HIGD1C: variants seen among roughly 807,000 people sequenced by gnomAD.
HIGD1C encodes HIG1 hypoxia inducible domain family member 1C.
Under a neutral mutation model 13.1 loss-of-function variants are expected in HIGD1C, and 11 were observed. That is an observed-to-expected ratio of 0.84 (90% CI 0.53 to 1.39). The LOEUF (loss-of-function observed/expected upper bound fraction) is 1.39, where lower values mean the gene tolerates loss of function less well. Among genes scored for constraint, HIGD1C ranks in the 40% most tolerant of loss-of-function variants. The pLI is 0.00. For missense variants in HIGD1C, 110 were observed against 112.0 expected (o/e 0.98, Z 0.08); for synonymous variants, 36 against 37.7 (o/e 0.95, Z 0.17).
chr12:50,961,093 G>A (rs1012990764), exon 2 of HIGD1C: 1 of 1,613,856 alleles, frequency 6.2e-7, no homozygotes, highest in Admixed American at 1.7e-5. Context: ...TGTTGGAGCT[G>A]TGACTCTAGG....
At chr12:50,964,321 C>T (rs1939460353) in intron 2 of HIGD1C, among the ~76,000 whole-genome samples, 1 of 152,240 alleles carries the variant, frequency 6.6e-6, no homozygotes, top group African/African-American at 2.4e-5. Context: ...ACCTTGGCTA[C>T]TCATGGTTAT....
the HIGD1C span, among the ~76,000 whole-genome samples, chr12:50,937,135 A>AT: frequency 6.6e-6 from 1 of 152,134 alleles, no homozygotes; most frequent in South Asian, 2.1e-4. Context: ...TCTGACAAGG[A>AT]TTTTTTTGGT....
At chr12:50,972,187 C>A (rs1416866354), downstream of HIGD1C, among the ~76,000 whole-genome samples, 1 of 152,172 alleles carries the variant, frequency 6.6e-6, no homozygotes, top group African/African-American at 2.4e-5. Context: ...AACCAGGCCA[C>A]TGGAAATATT....
At chr12:50,932,925 C>A in the HIGD1C span, among the ~76,000 whole-genome samples, 6 of 152,164 alleles carry the variant, frequency 3.9e-5, no homozygotes, top group African/African-American at 1.4e-4. Context: ...AGAATTGGAA[C>A]CTCCTTAATC....
intron 2 of HIGD1C, among the ~76,000 whole-genome samples, chr12:50,966,161 C>T (rs1184171840): frequency 6.6e-6 from 1 of 152,200 alleles, no homozygotes; most frequent in East Asian, 1.9e-4. Context: ...ACTTGACCCC[C>T]ACAGCCTCAG....
chr12:50,964,327 G>A (rs1939460481), intron 2 of HIGD1C, among the ~76,000 whole-genome samples: 1 of 152,164 alleles, frequency 6.6e-6, no homozygotes, highest in South Asian at 2.1e-4. Context: ...GCTACTCATG[G>A]TTATTTGACT....
upstream of HIGD1C, among the ~76,000 whole-genome samples, chr12:50,951,465 TTC>T (rs1196666072): frequency 1.3e-5 from 2 of 152,300 alleles, no homozygotes; most frequent in East Asian, 1.9e-4. Flanking sequence ...CAATTCAACT[TTC>T]TGTGTCTCCT....
chr12:50,970,955 C>T (rs143203657), downstream of HIGD1C, among the ~76,000 whole-genome samples: 750 of 152,062 alleles, frequency 4.9e-3, 7 homozygotes, highest in African/African-American at 0.017. Flanking sequence ...CTCCGCTCAC[C>T]GCAACCTCTG....
upstream of HIGD1C, among the ~76,000 whole-genome samples, chr12:50,953,048 T>G (rs1177297465): frequency 1.3e-5 from 2 of 152,204 alleles, no homozygotes; most frequent in Non-Finnish European, 2.9e-5. Context: ...AGGCTGCTAC[T>G]GGTGAGTTTC....
chr12:50,940,967 C>T, the HIGD1C span, among the ~76,000 whole-genome samples: 3,085 of 152,004 alleles, frequency 0.02, 89 homozygotes, highest in East Asian at 0.077. Context: ...ACCTTAACTT[C>T]CCAAGTAGCT....
intron 2 of HIGD1C, among the ~76,000 whole-genome samples, chr12:50,969,413 C>G (rs1027288461): frequency 1.1e-4 from 16 of 151,570 alleles, no homozygotes; most frequent in African/African-American, 3.6e-4. Context: ...AAATCTCATA[C>G]GTAAGGCCAG....
the HIGD1C span, among the ~76,000 whole-genome samples, chr12:50,943,055 G>T: frequency 1.9e-3 from 289 of 151,218 alleles, no homozygotes; most frequent in Non-Finnish European, 3.7e-3. Context: ...TAGTAGAGAC[G>T]GGGTTTCACC....
the HIGD1C span, among the ~76,000 whole-genome samples, chr12:50,937,757 C>A: frequency 1.3e-5 from 2 of 152,126 alleles, no homozygotes; most frequent in African/African-American, 4.8e-5. Context: ...TTTCTGCAGG[C>A]AGGACATCCC....
chr12:50,962,685 A>G (rs1029192125), intron 2 of HIGD1C, among the ~76,000 whole-genome samples: 3 of 152,210 alleles, frequency 2.0e-5, no homozygotes, highest in Non-Finnish European at 4.4e-5. Context: ...CATCAGAGCA[A>G]GACTCCATCT....
chr12:50,937,456 G>A, the HIGD1C span, among the ~76,000 whole-genome samples: 2 of 152,206 alleles, frequency 1.3e-5, no homozygotes, highest in Non-Finnish European at 2.9e-5. Flanking sequence ...TCACAGCCCT[G>A]GCTTGGGGAG....
intron 2 of HIGD1C, among the ~76,000 whole-genome samples, chr12:50,966,421 C>T (rs1939542886): frequency 6.6e-6 from 1 of 152,210 alleles, no homozygotes; most frequent in African/African-American, 2.4e-5. Flanking sequence ...CTGGATTCTT[C>T]TTTGTTGTGG....
chr12:50,971,875 G>T (rs77484746), downstream of HIGD1C, among the ~76,000 whole-genome samples: 910 of 152,280 alleles, frequency 6.0e-3, 40 homozygotes, highest in East Asian at 0.11. Flanking sequence ...CTGCATTCTG[G>T]ATATTAACCT....
At chr12:50,956,664 C>T (rs1334722581) in intron 1 of HIGD1C, among the ~76,000 whole-genome samples, 1 of 152,198 alleles carries the variant, frequency 6.6e-6, no homozygotes, top group Admixed American at 6.5e-5. Context: ...TTTCACTTAA[C>T]AGCTCATACG....
the HIGD1C span, among the ~76,000 whole-genome samples, chr12:50,947,811 T>C: frequency 6.6e-6 from 1 of 152,134 alleles, no homozygotes; most frequent in Admixed American, 6.5e-5. Flanking sequence ...GAGCTTAGCA[T>C]GGTGGCAGGT....
Sources: gnomAD v4.1 joint callset for allele counts (sites outside exome capture counted in the v4.1 genomes callset) on GRCh38, gnomAD v4.1.1 for gene constraint, MANE v1.5 for transcripts, NCBI Gene and HGNC (gene_info 2026-07-23, HGNC 2026-07-21) for gene names.